CELF4: variants seen among roughly 807,000 people sequenced by gnomAD.
The protein encoded by CELF4 is CUG-BP- and ETR-3-like factor 4.
A neutral mutation model predicts 59.9 loss-of-function variants in CELF4; 18 were observed. The observed-to-expected ratio is 0.30, with a 90% CI of 0.21 to 0.45. CELF4 has a LOEUF of 0.45. Among genes scored for constraint, CELF4 ranks in the 20% least tolerant of loss-of-function variants. The pLI is 1.00. For missense variants in CELF4, 456 were observed against 689.0 expected (o/e 0.66, Z 3.79); for synonymous variants, 261 against 267.1 (o/e 0.98, Z 0.22).
chr18:37,427,042 G>GT (rs1439897884), intron 2 of CELF4, among the ~76,000 whole-genome samples: 43 of 151,482 alleles, frequency 2.8e-4, no homozygotes, highest in Admixed American at 1.2e-3. Flanking sequence ...GGACACGGGG[G>GT]GGGGGGAAGC....
chr18:37,270,966 A>G (rs1228828878), intron 7 of CELF4, 49 bp from the exon 8 acceptor site: 1 of 1,511,440 alleles, frequency 6.6e-7, no homozygotes, highest in Non-Finnish European at 8.9e-7. Flanking sequence ...GGCAAGCAGA[A>G]CAAAGGTGAG....
At chr18:37,369,966 C>T (rs147855578) in intron 2 of CELF4, among the ~76,000 whole-genome samples, 19 of 152,336 alleles carry the variant, frequency 1.2e-4, no homozygotes, top group African/African-American at 4.1e-4. Flanking sequence ...GCCGAAACGC[C>T]CCTCTTCACC....
intron 10 of CELF4, among the ~76,000 whole-genome samples, chr18:37,264,141 C>A (rs1569224613): frequency 6.6e-6 from 1 of 152,220 alleles, no homozygotes; most frequent in Non-Finnish European, 1.5e-5. Context: ...GTGGTAGGCC[C>A]TCCAGTGAAG....
intron 7 of CELF4, among the ~76,000 whole-genome samples, 177 bp downstream of exon 7, chr18:37,272,839 G>A (rs1256185348): frequency 6.6e-6 from 1 of 152,182 alleles, no homozygotes; most frequent in Non-Finnish European, 1.5e-5. Flanking sequence ...ATCTTCCCTT[G>A]GATCCCCATG....
At chr18:37,556,559 C>A (rs981790239) in intron 1 of CELF4, among the ~76,000 whole-genome samples, 4 of 152,144 alleles carry the variant, frequency 2.6e-5, no homozygotes, top group Non-Finnish European at 4.4e-5. Context: ...GTCACACAGA[C>A]CTCATTGCTG....
At chr18:37,283,009 G>A (rs574779638) in intron 3 of CELF4, among the ~76,000 whole-genome samples, 2 of 152,254 alleles carry the variant, frequency 1.3e-5, no homozygotes, top group Admixed American at 1.3e-4. Context: ...GTGTTTGGGG[G>A]CCTGCAATGG....
intron 2 of CELF4, among the ~76,000 whole-genome samples, chr18:37,447,698 C>T (rs990736147): frequency 1.3e-5 from 2 of 152,244 alleles, no homozygotes; most frequent in African/African-American, 4.8e-5. Context: ...TCTGCACCCT[C>T]TACCCATCTG....
chr18:37,360,442 G>A (rs1055513756), intron 2 of CELF4, among the ~76,000 whole-genome samples: 5 of 152,186 alleles, frequency 3.3e-5, no homozygotes, highest in Admixed American at 6.5e-5. Context: ...ACCCCTGAGT[G>A]GGGGGATCCC....
At chr18:37,385,832 A>G (rs1201564404) in intron 2 of CELF4, among the ~76,000 whole-genome samples, 3 of 152,212 alleles carry the variant, frequency 2.0e-5, no homozygotes, top group African/African-American at 7.2e-5. Flanking sequence ...TATTTTCAAT[A>G]TGTATTTATT....
At chr18:37,420,149 A>G (rs1418894705) in intron 2 of CELF4, among the ~76,000 whole-genome samples, 1 of 152,180 alleles carries the variant, frequency 6.6e-6, no homozygotes, top group Non-Finnish European at 1.5e-5. Flanking sequence ...CCCTCAAAAT[A>G]GAAGGAGCTG....
At chr18:37,388,267 G>T (rs1314930073) in intron 2 of CELF4, among the ~76,000 whole-genome samples, 1 of 152,118 alleles carries the variant, frequency 6.6e-6, no homozygotes, top group African/African-American at 2.4e-5. Context: ...GCACCATTGC[G>T]TGAAGAGATG....
At chr18:37,352,584 C>A (rs1243504810) in intron 2 of CELF4, among the ~76,000 whole-genome samples, 1 of 151,582 alleles carries the variant, frequency 6.6e-6, no homozygotes, top group Non-Finnish European at 1.5e-5. Flanking sequence ...CAGAATGAGA[C>A]CCTGCCTCTA....
intron 3 of CELF4, among the ~76,000 whole-genome samples, chr18:37,307,391 A>T (rs898077293): frequency 9.2e-5 from 14 of 152,170 alleles, no homozygotes; most frequent in African/African-American, 3.1e-4. Flanking sequence ...TCTCCGATCC[A>T]AATTAAAACA....
Position 37,309,932 on chromosome 18 carries a change from G to A in CELF4, c.448+11871C>T, listed in dbSNP as rs114637645. 2.6e-3 allele frequency among the ~76,000 whole-genome samples: 395 copies of A among 150,760 alleles called. 1 individual carries two copies. The highest frequency in any genetic ancestry group is 9.3e-3 in the African/African-American group (382 of 40,892). On this transcript the variant is annotated intron_variant, in intron 3 of 12. Transcript: ENST00000420428. ...TCATTCCCATAATCACCACCCCCAGGAAGCCTTCCTTATCCCATTCCATTC... is the reference window on the plus strand; with the variant it reads ...TCATTCCCATAATCACCACCCCCAGAAAGCCTTCCTTATCCCATTCCATTC...
At chr18:37,380,792 A>AATCCATCCATCCAACC (rs2099029683) in intron 2 of CELF4, among the ~76,000 whole-genome samples, 5 of 134,758 alleles carry the variant, frequency 3.7e-5, no homozygotes, top group African/African-American at 1.4e-4. Context: ...TTTCTCCATG[A>AATCCATCCATCCAACC]ATCCATCCAT....
At chr18:37,531,249 C>G (rs187747784) in intron 1 of CELF4, among the ~76,000 whole-genome samples, 2 of 152,252 alleles carry the variant, frequency 1.3e-5, no homozygotes, top group Admixed American at 1.3e-4. Context: ...CTGGGGCCCC[C>G]CTCCAGCTAC....
At chr18:37,352,236 T>C (rs940456319) in intron 2 of CELF4, among the ~76,000 whole-genome samples, 1 of 152,154 alleles carries the variant, frequency 6.6e-6, no homozygotes, top group Non-Finnish European at 1.5e-5. Flanking sequence ...AGAACATCAG[T>C]GCAAGCCACC....
chr18:37,516,225 C>T (rs1419730206), intron 1 of CELF4, among the ~76,000 whole-genome samples: 8 of 152,200 alleles, frequency 5.3e-5, no homozygotes, highest in African/African-American at 1.7e-4. Context: ...CTCCTCCCTG[C>T]TCCCTTCTTG....
chr18:37,352,611 A>C (rs894578953), intron 2 of CELF4, among the ~76,000 whole-genome samples: 4 of 151,972 alleles, frequency 2.6e-5, no homozygotes, highest in African/African-American at 4.8e-5. Flanking sequence ...AAAATTAAAA[A>C]TAAAAAAAAG....
Sources: gnomAD v4.1 joint callset for allele counts (sites outside exome capture counted in the v4.1 genomes callset) on GRCh38, gnomAD v4.1.1 for gene constraint, MANE v1.5 for transcripts, NCBI Gene and HGNC (gene_info 2026-07-23, HGNC 2026-07-21) for gene names.